The following GPATCH8 variants were observed in gnomAD, a reference collection of about 807,000 sequenced individuals.
GPATCH8 encodes G patch domain-containing protein 8.
Under a neutral mutation model 118.3 loss-of-function variants are expected in GPATCH8, and 18 were observed. The ratio of observed to expected loss-of-function variants is 0.15; its 90% confidence interval spans 0.11 to 0.23. GPATCH8 has a LOEUF of 0.23. GPATCH8 is among the 10% of genes least tolerant of loss of function. The pLI is 1.00. For synonymous variants in GPATCH8, 659 were observed against 684.7 expected (o/e 0.96, Z 0.59); for missense variants, 1,631 against 1,873.8 (o/e 0.87, Z 2.39).
intron 5 of GPATCH8, among the ~76,000 whole-genome samples, chr17:44,433,178 C>T (rs2050380420): frequency 6.6e-6 from 1 of 152,006 alleles, no homozygotes. Flanking sequence ...TATGTATAAT[C>T]TTATGAGGCT....
intron 1 of GPATCH8, among the ~76,000 whole-genome samples, chr17:44,485,035 G>A (rs1014224837): frequency 7.9e-5 from 12 of 151,496 alleles, no homozygotes; most frequent in Admixed American, 1.3e-4. Flanking sequence ...GAATGGTCTC[G>A]AACTCCTGAG....
intron 1 of GPATCH8, among the ~76,000 whole-genome samples, chr17:44,487,685 T>C (rs1365089613): frequency 6.6e-6 from 1 of 152,202 alleles, no homozygotes; most frequent in African/African-American, 2.4e-5. Flanking sequence ...GGGTGTGCCT[T>C]TGGTTTTCCA....
chr17:44,411,461 T>C (rs774127224), intron 6 of GPATCH8, among the ~76,000 whole-genome samples: 1 of 152,218 alleles, frequency 6.6e-6, no homozygotes, highest in African/African-American at 2.4e-5. Flanking sequence ...TGGAGTATAC[T>C]AAGAATAATT....
At chr17:44,483,273 T>C (rs1310028647) in intron 1 of GPATCH8, among the ~76,000 whole-genome samples, 4 of 132,380 alleles carry the variant, frequency 3.0e-5, no homozygotes, top group African/African-American at 1.1e-4. Flanking sequence ...TTTTTTGAGA[T>C]GGAGTCTCAC....
chr17:44,472,741 G>A lies in GPATCH8; in HGVS notation c.120+2088C>T, dbSNP rs184784419. On this transcript the variant is annotated intron_variant, in intron 2 of 7. Transcript: ENST00000591680. ...GATGGAGTCTCGCTCTGTCACCCAG[G>A]CTAGAGTGCAGTGGCACAATCTCGG... Among the ~76,000 whole-genome samples the A allele has an allele frequency of 2.4e-4, 36 of 152,168 alleles. No individual in the cohort carries two copies. In the East Asian group the frequency reaches 6.9e-3, roughly 29 times the overall value.
chr17:44,419,812 C>T (rs1358784457), intron 6 of GPATCH8, among the ~76,000 whole-genome samples: 1 of 152,172 alleles, frequency 6.6e-6, no homozygotes, highest in African/African-American at 2.4e-5. Flanking sequence ...AGGCATGAGC[C>T]ACTGCACCCA....
intron 1 of GPATCH8, among the ~76,000 whole-genome samples, chr17:44,487,370 T>C (rs1968864534): frequency 6.6e-6 from 1 of 152,214 alleles, no homozygotes; most frequent in Non-Finnish European, 1.5e-5. Context: ...AATATTCCAT[T>C]GGTATACCAC....
intron 6 of GPATCH8, among the ~76,000 whole-genome samples, chr17:44,412,030 C>T (rs1161979174): frequency 2.0e-5 from 3 of 152,200 alleles, no homozygotes; most frequent in Admixed American, 6.5e-5. Context: ...TCAAGGGATT[C>T]TCCTGCTTCA....
chr17:44,446,402 T>C (rs1218271090), intron 3 of GPATCH8, among the ~76,000 whole-genome samples: 1 of 152,016 alleles, frequency 6.6e-6, no homozygotes. Flanking sequence ...CAGTCTCTAC[T>C]AAAAACACAA....
In GPATCH8 at chr17:44,399,844, TTGG is replaced by T; in HGVS notation, c.2230_2232del (p.Pro744del). On this transcript the variant is annotated inframe_deletion, in exon 8 of 8. Transcript: ENST00000591680. The stretch of plus-strand genomic sequence containing the variant: ...TCATCTTGAGCTCTCCGCCTTCTTC[TTGG>T]TGGTGCGGGACTGCCACTCCCAGGG... 1 of 1,613,910 alleles carries T rather than the reference TTGG, an allele frequency of 6.2e-7. No individual in the cohort carries two copies. The highest frequency in any genetic ancestry group is 8.5e-7 in the Non-Finnish European group (1 of 1,179,962).
intron 1 of GPATCH8, among the ~76,000 whole-genome samples, chr17:44,496,381 A>C (rs1969671970): frequency 1.3e-5 from 2 of 152,208 alleles, no homozygotes; most frequent in African/African-American, 4.8e-5. Context: ...TTTCTATTAC[A>C]ACTTTAAACC....
rs150723522 is a variant in GPATCH8 at position 44,398,523 on chromosome 17, C to T, written c.3554G>A (p.Ser1185Asn). ...SETEEGPPGS[S>N]DALFGHQFPS... Reference sequence around the variant, plus strand: ...GAACTGATGCCCAAATAGGGCATCACTACTCCCTGGGGGCCCCTCTTCTGT... The same window carrying T: ...GAACTGATGCCCAAATAGGGCATCATTACTCCCTGGGGGCCCCTCTTCTGT... The change falls in exon 8 of 8, where the codon AGT becomes AAT. Residue 1185 changes from serine (S) to asparagine (N), a missense_variant. Ser to Asn is a conservative substitution (Grantham distance 46). Around this residue, in one of 8 missense-constraint regions of GPATCH8, gnomAD observed 922 missense variants for 879.7 expected, o/e 1.05. Transcript: ENST00000591680. 718 of 1,597,376 alleles carry T rather than the reference C, an allele frequency of 4.5e-4. No homozygotes were observed. Among genetic ancestry groups the T allele is most frequent in the Non-Finnish European group, 6.0e-4 (698 of 1,172,566 alleles).
At chr17:44,410,059 C>A (rs1477763565) in intron 6 of GPATCH8, among the ~76,000 whole-genome samples, 1 of 152,176 alleles carries the variant, frequency 6.6e-6, no homozygotes, top group Non-Finnish European at 1.5e-5. Context: ...TATTTCTAGA[C>A]AGAATTGGGC....
At chr17:44,416,854 A>G (rs779457053) in intron 6 of GPATCH8, among the ~76,000 whole-genome samples, 6 of 152,362 alleles carry the variant, frequency 3.9e-5, no homozygotes, top group Non-Finnish European at 5.9e-5. Flanking sequence ...TTTAAAGCTC[A>G]GGGAACTACT....
Position 44,400,562 on chromosome 17 carries a change from G to T in GPATCH8, c.1515C>A (p.Thr505=). ...TAGAAGAGTTGGACTCACACATTTG[G>T]GTCTCTGAAACCTTCTGACTATGAC... ...LESHSQKVSE[T]QMCESNSSKE... Residue 505 remains threonine (T), a synonymous_variant, in exon 8 of 8, where the codon ACC becomes ACA. Transcript: ENST00000591680. 6.2e-7 allele frequency: 1 copy of T among 1,614,024 alleles called. No individual in the cohort carries two copies. The highest frequency in any genetic ancestry group is 8.5e-7 in the Non-Finnish European group (1 of 1,179,928).
In GPATCH8 at chr17:44,397,588, G is replaced by A. The variant is rs759691447; in HGVS notation, c.4489C>T (p.Pro1497Ser). The A allele has an allele frequency of 9.9e-6, 16 of 1,613,058 alleles. No homozygotes were observed. The highest frequency in any genetic ancestry group is 1.3e-5 in the Non-Finnish European group (15 of 1,179,182). ...PIFSGQDLQH[P>S]PSHGT ...CCAACTCACGTGCCATGGCTGGGGG[G>A]ATGTTGCAGGTCCTGACCTGAGAAG... The change falls in exon 8 of 8, where the codon CCC (proline) becomes TCC (serine). Residue 1497 changes from proline to serine, a missense_variant. Pro to Ser is a moderately conservative substitution (Grantham distance 74). Around this residue, in one of 8 missense-constraint regions of GPATCH8, gnomAD observed 65 missense variants for 105.3 expected, o/e 0.62. Coordinates refer to ENST00000591680, the MANE Select transcript of GPATCH8 (RefSeq NM_001002909.4).
chr17:44,466,808 T>C (rs2051783230), intron 2 of GPATCH8, among the ~76,000 whole-genome samples: 1 of 151,992 alleles, frequency 6.6e-6, no homozygotes, highest in South Asian at 2.1e-4. Flanking sequence ...ACTTTAAGAG[T>C]ATATGGTTTA....
At chr17:44,412,497 G>A (rs982922303) in intron 6 of GPATCH8, among the ~76,000 whole-genome samples, 2 of 151,336 alleles carry the variant, frequency 1.3e-5, no homozygotes, top group Middle Eastern at 3.4e-3. Context: ...AGTGATTCTC[G>A]GGCCTCAACC....
Position 44,398,171 on chromosome 17 carries a change from C to G in GPATCH8, c.3906G>C (p.Leu1302=). 1.2e-6 allele frequency: 2 copies of G among 1,613,532 alleles called. No homozygotes were observed. The highest frequency in any genetic ancestry group is 2.2e-5 in the South Asian group (2 of 91,062). ...TGATGGGCTGGCTTTCCAGGGGGGC[C>G]AGTGAAGCATCCTCAGCCCCATCTG... ...ESTDGAEDAS[L]APLESQPITF... Residue 1302 remains leucine, a synonymous_variant, in exon 8 of 8, where the codon CTG becomes CTC. Transcript: ENST00000591680.
Sources: gnomAD v4.1 joint callset for allele counts (sites outside exome capture counted in the v4.1 genomes callset) on GRCh38, gnomAD v4.1.1 for gene constraint, gnomAD v4.1.1 regional missense constraint, MANE v1.5 for transcripts, NCBI Gene and HGNC (gene_info 2026-07-23, HGNC 2026-07-21) for gene names.